Variants in RASSF2 observed in about 807,000 individuals in gnomAD.
The protein encoded by RASSF2 is Ras association domain family member 2, also known as ras association domain-containing protein 2.
Under a neutral mutation model 46.3 loss-of-function variants are expected in RASSF2, and 34 were observed. The observed-to-expected ratio is 0.73, with a 90% CI of 0.56 to 0.98. RASSF2 has a LOEUF of 0.98. RASSF2 is among the 50% of genes least tolerant of loss of function. The probability of loss-of-function intolerance (pLI) is 0.00; values close to 1 mark genes in which losing one functional copy is unlikely to be tolerated. For synonymous variants in RASSF2, 158 were observed against 162.5 expected (o/e 0.97, Z 0.21); for missense variants, 364 against 431.2 (o/e 0.84, Z 1.38).
chr20:4,801,206 A>C, intron 2 of RASSF2, 144 bp from the exon 3 acceptor site: 1 of 634,264 alleles, frequency 1.6e-6, no homozygotes, highest in Non-Finnish European at 2.8e-6. Flanking sequence ...ACACTGACCC[A>C]AGGCTGTGAG....
intron 2 of RASSF2, among the ~76,000 whole-genome samples, chr20:4,807,747 C>T (rs913274949): frequency 6.6e-6 from 1 of 152,204 alleles, no homozygotes; most frequent in Non-Finnish European, 1.5e-5. Context: ...TGACTTCTCC[C>T]CACCTTTTTT....
intron 3 of RASSF2, 127 bp from the exon 4 acceptor site, chr20:4,798,212 A>T: frequency 1.4e-6 from 2 of 1,385,360 alleles, no homozygotes; most frequent in Non-Finnish European, 1.9e-6. Context: ...GTCCACATGT[A>T]CATACACACA....
chr20:4,810,483 A>G (rs1049429449), intron 2 of RASSF2, among the ~76,000 whole-genome samples: 5 of 152,110 alleles, frequency 3.3e-5, no homozygotes, highest in African/African-American at 1.2e-4. Context: ...CTCCATGATC[A>G]GGGAGCCTGG....
intron 3 of RASSF2, among the ~76,000 whole-genome samples, chr20:4,798,370 C>T (rs1017189576): frequency 2.0e-5 from 3 of 152,192 alleles, no homozygotes; most frequent in Non-Finnish European, 2.9e-5. Flanking sequence ...ACCGACAATA[C>T]TCCCAAACTC....
At chr20:4,800,285 C>A (rs1055651272) in intron 3 of RASSF2, among the ~76,000 whole-genome samples, 1 of 152,178 alleles carries the variant, frequency 6.6e-6, no homozygotes, top group African/African-American at 2.4e-5. Flanking sequence ...CCCAGAGCAG[C>A]CGAGGGACAC....
intron 2 of RASSF2, among the ~76,000 whole-genome samples, chr20:4,813,473 C>A (rs989331080): frequency 1.3e-5 from 2 of 152,222 alleles, no homozygotes; most frequent in Non-Finnish European, 1.5e-5. Flanking sequence ...CAGCTCCACC[C>A]CAGTGGGAGG....
chr20:4,792,424 A>T lies in RASSF2; in HGVS notation c.376+115T>A, dbSNP rs1925967723. On this transcript the variant is annotated intron_variant, in intron 6 of 11. Coordinates refer to ENST00000379400, the MANE Select transcript of RASSF2 (RefSeq NM_014737.3). ...GGGTGACTTAATTCTCTCCCTTTGT[A>T]TCTTGAACCATATACATTTTATATT... The T allele has an allele frequency of 1.9e-6, 3 of 1,544,492 alleles. No individual in the cohort carries two copies. In the South Asian group the frequency reaches 3.6e-5, roughly 19 times the overall value.
intron 11 of RASSF2, among the ~76,000 whole-genome samples, chr20:4,785,686 C>A (rs1220735467): frequency 6.6e-6 from 1 of 152,170 alleles, no homozygotes; most frequent in Non-Finnish European, 1.5e-5. Flanking sequence ...TTCCTGAAAT[C>A]CCTGGAACCT....
chr20:4,803,530 G>T (rs935733730), intron 2 of RASSF2, among the ~76,000 whole-genome samples: 7 of 152,260 alleles, frequency 4.6e-5, no homozygotes, highest in Middle Eastern at 3.4e-3. Flanking sequence ...GAGGCAGGAG[G>T]ATCATTCGAG....
intron 8 of RASSF2, 140 bp downstream of exon 8, chr20:4,789,456 C>T (rs1925667572): frequency 3.1e-6 from 2 of 653,792 alleles, no homozygotes; most frequent in South Asian, 1.9e-5. Flanking sequence ...TGTCCTGGAT[C>T]GTGAGGATCT....
At position 4,789,629 on chromosome 20, in the gene RASSF2, T is replaced by G. The variant is rs61752027; in HGVS notation, c.606A>C (p.Pro202=). ...TGTTGAGCAGCAGCTTCAGGACCTGTGGGGTGGTCATGGTGCTGTTGATGC... is the reference window on the plus strand; with the variant it reads ...TGTTGAGCAGCAGCTTCAGGACCTGGGGGGTGGTCATGGTGCTGTTGATGC... ...NVRINSTMTT[P]QVLKLLLNKF... The change falls in exon 8 of 12, where the codon CCA becomes CCC. Residue 202 remains proline (P), a synonymous_variant. Transcript: ENST00000379400. 23,493 of 1,613,994 alleles carry G rather than the reference T, an allele frequency of 0.015. 217 individuals are homozygous for G. The highest frequency in any genetic ancestry group is 0.016 in the South Asian group (1,471 of 91,084).
At chr20:4,792,676 G>A in intron 5 of RASSF2, 49 bp from the exon 6 acceptor site, 2 of 1,593,086 alleles carry the variant, frequency 1.3e-6, no homozygotes, top group South Asian at 1.1e-5. Flanking sequence ...TTTAAGCCCT[G>A]TGGAGAGACG....
chr20:4,799,280 G>GC (rs1448365251), intron 3 of RASSF2, among the ~76,000 whole-genome samples: 1 of 152,178 alleles, frequency 6.6e-6, no homozygotes, highest in Admixed American at 6.5e-5. Context: ...ACTGCACGTG[G>GC]CCAGAGAGGA....
intron 6 of RASSF2, among the ~76,000 whole-genome samples, chr20:4,791,413 CGTTAT>C (rs1420347391): frequency 2.0e-5 from 3 of 151,908 alleles, no homozygotes; most frequent in Non-Finnish European, 4.4e-5. Flanking sequence ...AGATGGTAAA[CGTTAT>C]GTTATGTATA....
At chr20:4,791,785 A>G (rs1849375487) in intron 6 of RASSF2, among the ~76,000 whole-genome samples, 2 of 152,222 alleles carry the variant, frequency 1.3e-5, no homozygotes, top group Admixed American at 1.3e-4. Context: ...AATGTCTACC[A>G]GTAGGGAGTG....
chr20:4,822,665 G>T (rs1371659310), intron 1 of RASSF2, among the ~76,000 whole-genome samples: 1 of 152,242 alleles, frequency 6.6e-6, no homozygotes, highest in Admixed American at 6.5e-5. Context: ...GAGAGAAGAC[G>T]CCAGGCTGAG....
chr20:4,798,136 T>C, intron 3 of RASSF2, 51 bp from the exon 4 acceptor site: 1 of 1,605,994 alleles, frequency 6.2e-7, no homozygotes, highest in South Asian at 1.1e-5. Context: ...AAGCCACTTA[T>C]AATGCAGTTG....
At position 4,780,456 on chromosome 20, in the gene RASSF2, AGGG is replaced by A. The variant is rs1039277037; in HGVS notation, c.*3814_*3816del. 4.6e-5 allele frequency: 7 copies of A among 152,218 alleles called. No individual in the cohort carries two copies. The highest frequency in any genetic ancestry group is 1.4e-4 in the African/African-American group (6 of 41,456). The allele number at this position is 152,218 out of a possible 1,614,324, so 9.4% of individuals were successfully genotyped here. A position where few individuals can be genotyped will look rare whatever the true frequency, so the allele number is the denominator to read the frequency against. On this transcript the variant is annotated 3_prime_UTR_variant, in exon 12 of 12. Transcript: ENST00000379400. ...AGAGCTTTCTATTACATCTGGAAGA[AGGG>A]GGCGCCACATTCATTCTTATTTTTA...
chr20:4,802,403 G>A (rs1319337754), intron 2 of RASSF2, among the ~76,000 whole-genome samples: 1 of 152,104 alleles, frequency 6.6e-6, no homozygotes, highest in Non-Finnish European at 1.5e-5. Context: ...ACTCACAACA[G>A]CCCAAAGGTG....
Sources: allele counts gnomAD v4.1 joint callset (sites outside exome capture counted in the v4.1 genomes callset), GRCh38; gene constraint gnomAD v4.1.1; transcripts MANE v1.5; gene names NCBI Gene and HGNC (gene_info 2026-07-23, HGNC 2026-07-21).